NWD1: variants seen among roughly 807,000 people sequenced by gnomAD.
The protein encoded by NWD1 is NACHT domain- and WD repeat-containing protein 1.
In NWD1, 129 loss-of-function variants were observed where a neutral mutation model predicts 135.1. The observed-to-expected ratio is 0.96, with a 90% CI of 0.83 to 1.11. The LOEUF (loss-of-function observed/expected upper bound fraction) is 1.11. Among genes scored for constraint, NWD1 ranks in the 50% least tolerant of loss-of-function variants. NWD1 has a pLI of 0.00. For synonymous variants in NWD1, 773 were observed against 786.0 expected, an observed-to-expected ratio of 0.98 and a Z score of 0.28; for missense variants, 1,740 against 1,851.3, an observed-to-expected ratio of 0.94 and a Z score of 1.10.
chr19:16,751,173 G>A (rs751374504), intron 6 of NWD1, among the ~76,000 whole-genome samples: 7 of 149,050 alleles, frequency 4.7e-5, no homozygotes, highest in Middle Eastern at 6.9e-3. Flanking sequence ...GCCGTGAGCC[G>A]AGATCACGCC....
Position 16,808,032 on chromosome 19 carries a change from G to A in NWD1, c.4183G>A (p.Glu1395Lys), listed in dbSNP as rs1470016635. 2.2e-5 allele frequency: 35 copies of A among 1,614,146 alleles called. No homozygotes were observed. Among genetic ancestry groups the A allele is most frequent in the Non-Finnish European group, 3.0e-5 (35 of 1,180,016 alleles). Reference sequence around the variant, plus strand: ...CCACAGGAGCCGAGTTGCCTGTGTGGAGGTCAGCCACAAGGAGCAGCTGGT... The same window carrying A: ...CCACAGGAGCCGAGTTGCCTGTGTGAAGGTCAGCCACAAGGAGCAGCTGGT... ...ETHRSRVACV[E>K]VSHKEQLVVS... The change falls in exon 18 of 19, where the codon GAG becomes AAG. Residue 1395 changes from glutamate (E) to lysine (K), a missense_variant. Transcript: ENST00000524140.
chr19:16,759,050 G>T (rs1968905426), intron 6 of NWD1, among the ~76,000 whole-genome samples, 175 bp from the exon 7 acceptor site: 1 of 151,124 alleles, frequency 6.6e-6, no homozygotes, highest in South Asian at 2.1e-4. Flanking sequence ...GGTCTTCCTT[G>T]GTGGGTATTG....
intron 6 of NWD1, among the ~76,000 whole-genome samples, chr19:16,754,355 TC>T (rs1233966179): frequency 4.0e-5 from 6 of 150,518 alleles, no homozygotes; most frequent in Admixed American, 2.0e-4. Flanking sequence ...CTTCTTTCCA[TC>T]CATCATCTCT....
chr19:16,756,104 G>A (rs1337683420), intron 6 of NWD1, among the ~76,000 whole-genome samples: 1 of 151,992 alleles, frequency 6.6e-6, no homozygotes, highest in African/African-American at 2.4e-5. Context: ...ATCATAAAGG[G>A]GGGCTGGGCA....
rs2144546592 is a variant in NWD1 at position 16,815,479 on chromosome 19, T to G, written c.*440T>G. 1 of 577,052 alleles carries G rather than the reference T, an allele frequency of 1.7e-6. No homozygotes were observed. The highest frequency in any genetic ancestry group is 2.3e-5 in the South Asian group (1 of 44,150). 35.7% of individuals were successfully genotyped at this position (577,052 alleles called of 1,614,324 possible). A position where few individuals can be genotyped will look rare whatever the true frequency, so the allele number is the denominator to read the frequency against. Reference sequence around the variant, plus strand: ...GCTTCAGACCTTGTCTCTTCTCATCTTTCCATTATTCTTTCCTCTTTTTCA... The same window carrying G: ...GCTTCAGACCTTGTCTCTTCTCATCGTTCCATTATTCTTTCCTCTTTTTCA... On this transcript the variant is annotated 3_prime_UTR_variant, in exon 19 of 19. Transcript: ENST00000524140.
intron 1 of NWD1, among the ~76,000 whole-genome samples, chr19:16,721,117 T>A (rs755454648): frequency 5.9e-5 from 9 of 152,152 alleles, no homozygotes; most frequent in African/African-American, 9.7e-5. Flanking sequence ...CTCAAAGTGC[T>A]GGGATTAGAG....
At chr19:16,796,610 CCCTT>C (rs1476121832) in intron 15 of NWD1, among the ~76,000 whole-genome samples, 1 of 152,036 alleles carries the variant, frequency 6.6e-6, no homozygotes, top group Non-Finnish European at 1.5e-5. Flanking sequence ...CTGCCGCTAT[CCCTT>C]CCTTTCTCCC....
chr19:16,731,051 C>T, intron 2 of NWD1, 141 bp from the exon 3 acceptor site: 2 of 536,628 alleles, frequency 3.7e-6, no homozygotes, highest in East Asian at 3.2e-5. Context: ...CGAGACCAGC[C>T]TGGGCAACAT....
intron 7 of NWD1, among the ~76,000 whole-genome samples, chr19:16,759,776 C>A (rs1384421274): frequency 6.6e-6 from 1 of 152,048 alleles, no homozygotes; most frequent in Non-Finnish European, 1.5e-5. Flanking sequence ...GGCGGATCAC[C>A]TGAGGTCAGG....
intron 17 of NWD1, among the ~76,000 whole-genome samples, chr19:16,802,197 G>T (rs1002315109): frequency 6.6e-6 from 1 of 151,824 alleles, no homozygotes; most frequent in East Asian, 1.9e-4. Context: ...CAGGAGAATC[G>T]CTTGAGCCCG....
chr19:16,806,697 T>C (rs1355124622), intron 17 of NWD1, among the ~76,000 whole-genome samples: 1 of 146,424 alleles, frequency 6.8e-6, no homozygotes, highest in East Asian at 2.1e-4. Context: ...GGCAACAGAG[T>C]GAGACTCCGT....
In NWD1 at chr19:16,749,854, C is replaced by T. The variant is rs1968491462; in HGVS notation, c.1212C>T (p.Ala404=). The T allele has an allele frequency of 1.2e-6, 2 of 1,612,872 alleles. No individual in the cohort carries two copies. Among genetic ancestry groups the T allele is most frequent in the Non-Finnish European group, 8.5e-7 (1 of 1,179,632 alleles). The stretch of plus-strand genomic sequence containing the variant: ...CCTATGGGCTGCCCTTGCCCCCTGC[C>T]CAGGTTCTGGACGCCCACACCAGGG... ...CLAYGLPLPP[A]QVLDAHTRVV... is the part of the protein sequence containing the mutation. Residue 404 remains alanine, a synonymous_variant, in exon 6 of 19, where the codon GCC becomes GCT. Coordinates refer to ENST00000524140, the MANE Select transcript of NWD1 (RefSeq NM_001007525.5).
intron 8 of NWD1, among the ~76,000 whole-genome samples, chr19:16,762,593 C>T (rs1969065580): frequency 6.6e-6 from 1 of 152,108 alleles, no homozygotes; most frequent in Non-Finnish European, 1.5e-5. Flanking sequence ...TTATTGTGGA[C>T]TCTTCTCCCT....
At chr19:16,732,325 A>G (rs1967605221) in intron 3 of NWD1, among the ~76,000 whole-genome samples, 1 of 151,884 alleles carries the variant, frequency 6.6e-6, no homozygotes, top group Non-Finnish European at 1.5e-5. Flanking sequence ...GCTTTTGAAC[A>G]CAGATTCATC....
chr19:16,783,936 G>A (rs1969950484), intron 12 of NWD1, among the ~76,000 whole-genome samples: 1 of 152,044 alleles, frequency 6.6e-6, no homozygotes, highest in Admixed American at 6.6e-5. Flanking sequence ...GAGTGGCCGG[G>A]CACAGTGGAT....
intron 18 of NWD1, among the ~76,000 whole-genome samples, chr19:16,810,451 A>G (rs1279620518): frequency 6.6e-6 from 1 of 150,894 alleles, no homozygotes; most frequent in African/African-American, 2.4e-5. Context: ...AAAAAAAAAA[A>G]AAAAAAGAAA....
At chr19:16,776,170 G>C (rs1969592660) in intron 11 of NWD1, among the ~76,000 whole-genome samples, 2 of 152,154 alleles carry the variant, frequency 1.3e-5, no homozygotes, top group South Asian at 4.1e-4. Flanking sequence ...CTGGGGCAGG[G>C]AAATGTTCTG....
intron 11 of NWD1, among the ~76,000 whole-genome samples, chr19:16,776,773 TA>T (rs554653148): frequency 0.032 from 2,107 of 66,470 alleles, 69 homozygotes; most frequent in African/African-American, 0.1. Context: ...TACAAAAAGT[TA>T]AAAAAAAAAA....
At chr19:16,779,254 G>GTC in intron 11 of NWD1, 89 bp from the exon 12 acceptor site, 1 of 1,468,346 alleles carries the variant, frequency 6.8e-7, no homozygotes, top group Non-Finnish European at 9.5e-7. Context: ...TGTCTTATCT[G>GTC]TGAAGTGGGG....
Sources: allele counts gnomAD v4.1 joint callset (sites outside exome capture counted in the v4.1 genomes callset), GRCh38; gene constraint gnomAD v4.1.1; transcripts MANE v1.5; gene names NCBI Gene and HGNC (gene_info 2026-07-23, HGNC 2026-07-21).